ZNF343: variants seen among roughly 807,000 people sequenced by gnomAD.
The protein encoded by ZNF343 is zinc finger protein 343.
ZNF343 carries 11 observed loss-of-function variants against 13.8 expected under a neutral mutation model. That is an observed-to-expected ratio of 0.80 (90% confidence interval 0.50 to 1.32). ZNF343 has a LOEUF of 1.32. Among genes scored for constraint, ZNF343 ranks in the 40% most tolerant of loss-of-function variants. The pLI, the probability that ZNF343 is intolerant of heterozygous loss-of-function variation, is 0.00. For missense variants in ZNF343, 658 were observed against 714.2 expected, an observed-to-expected ratio of 0.92 and a Z score of 0.90; for synonymous variants, 248 against 260.0, an observed-to-expected ratio of 0.95 and a Z score of 0.44.
At chr20:2,506,272 G>A (rs1184261542) in intron 1 of ZNF343, among the ~76,000 whole-genome samples, 5 of 152,190 alleles carry the variant, frequency 3.3e-5, no homozygotes, top group African/African-American at 7.2e-5. Flanking sequence ...TTAGAATGGC[G>A]ATCATTAAAA....
upstream of ZNF343, among the ~76,000 whole-genome samples, chr20:2,512,591 T>C (rs1270091620): frequency 6.6e-6 from 1 of 152,154 alleles, no homozygotes; most frequent in Non-Finnish European, 1.5e-5. Context: ...TAAATCATGC[T>C]GGAACAACTG....
At chr20:2,497,391 C>T (rs577316512) in intron 2 of ZNF343, among the ~76,000 whole-genome samples, 2 of 152,132 alleles carry the variant, frequency 1.3e-5, no homozygotes, top group Admixed American at 1.3e-4. Flanking sequence ...AAAAAAGAAC[C>T]GTCAGGGAAG....
rs779513588 is a variant in ZNF343, at chr20:2,484,560, C to T, written c.401G>A (p.Gly134Asp). ...ATGGAAGTGATTTTCTGCACATAAG[C>T]CCAGGAAGATCTGAAGTACATGTTG... is the stretch of plus-strand genomic sequence containing the variant. Reference protein sequence around the residue: ...LSQHVLQIFLGLCAENHFHPG... With the variant: ...LSQHVLQIFLDLCAENHFHPG... The change falls in exon 6 of 6, where the codon GGC becomes GAC. Residue 134 changes from glycine (G) to aspartate (D), a missense_variant. Gly to Asp is a moderately conservative substitution (Grantham distance 94). Coordinates refer to ENST00000278772, the MANE Select transcript of ZNF343 (RefSeq NM_024325.6). 11 of 1,614,052 alleles carry T rather than the reference C, an allele frequency of 6.8e-6. No individual in the cohort carries two copies. In the African/African-American group the frequency reaches 1.1e-4, roughly 16 times the overall value.
At chr20:2,507,756 G>A (rs981102817) in intron 1 of ZNF343, among the ~76,000 whole-genome samples, 1 of 152,196 alleles carries the variant, frequency 6.6e-6, no homozygotes, top group East Asian at 1.9e-4. Flanking sequence ...TAACAAATGT[G>A]GAATCTGGTG....
At chr20:2,506,408 C>A (rs1242881634) in intron 1 of ZNF343, among the ~76,000 whole-genome samples, 1 of 151,902 alleles carries the variant, frequency 6.6e-6, no homozygotes, top group East Asian at 1.9e-4. Flanking sequence ...GGATCTAGAA[C>A]TAGAAATACC....
chr20:2,483,210 C>T lies in ZNF343; in HGVS notation c.1751G>A (p.Arg584Gln), dbSNP rs1490556935. ...EKHYVCRECG[R>Q]GFSHKSNLIR... is the part of the protein sequence containing the mutation. Reference sequence around the variant, plus strand: ...GAGATTTGACTTATGACTAAAGCCTCGCCCACACTCCCTACAAACATAATG... The same window carrying T: ...GAGATTTGACTTATGACTAAAGCCTTGCCCACACTCCCTACAAACATAATG... Residue 584 changes from arginine to glutamine, a missense_variant, in exon 6 of 6, where the codon CGA becomes CAA. Arg to Gln is a conservative substitution (Grantham distance 43). Coordinates refer to ENST00000278772, the MANE Select transcript of ZNF343 (RefSeq NM_024325.6). 8 of 1,612,414 alleles carry T rather than the reference C, an allele frequency of 5.0e-6. No individual in the cohort carries two copies. The highest frequency in any genetic ancestry group is 2.7e-5 in the African/African-American group (2 of 74,854).
At chr20:2,512,062 C>T (rs148321006), upstream of ZNF343, among the ~76,000 whole-genome samples, 169 of 152,238 alleles carry the variant, frequency 1.1e-3, 3 homozygotes, top group Admixed American at 9.5e-3. Context: ...AAAATAGTTC[C>T]ATTTGCAATA....
intron 5 of ZNF343, among the ~76,000 whole-genome samples, chr20:2,487,263 C>G (rs1204149880): frequency 6.6e-6 from 1 of 152,200 alleles, no homozygotes; most frequent in Non-Finnish European, 1.5e-5. Flanking sequence ...TAAACACTAA[C>G]ATGCTCCAAA....
At chr20:2,523,246 C>T (rs2085789889) in intron 1 of ZNF343, among the ~76,000 whole-genome samples, 1 of 152,226 alleles carries the variant, frequency 6.6e-6, no homozygotes, top group Admixed American at 6.5e-5. Flanking sequence ...AGGGGAGGAA[C>T]CCTCGGTTCC....
rs762280662 is a variant in ZNF343, at chr20:2,483,790, A to C, written c.1171T>G (p.Cys391Gly). Reference sequence around the variant, plus strand: ...TGTTTTCTGAGGGTTGACTTATCACAAAAGCTTCGTCCACACTCCAGGCAC... The same window carrying C: ...TGTTTTCTGAGGGTTGACTTATCACCAAAGCTTCGTCCACACTCCAGGCAC... ...YVCLECGRSF[C>G]DKSTLRKHQR... The change falls in exon 6 of 6, where the codon TGT (cysteine) becomes GGT (glycine). Residue 391 changes from cysteine (C) to glycine (G), a missense_variant. Coordinates refer to ENST00000278772, the MANE Select transcript of ZNF343 (RefSeq NM_024325.6). 1.2e-6 allele frequency: 2 copies of C among 1,604,782 alleles called. No individual in the cohort carries two copies. Among genetic ancestry groups the C allele is most frequent in the Non-Finnish European group, 1.7e-6 (2 of 1,177,308 alleles).
At chr20:2,505,686 T>C (rs1222834471) in intron 1 of ZNF343, among the ~76,000 whole-genome samples, 1 of 152,084 alleles carries the variant, frequency 6.6e-6, no homozygotes, top group African/African-American at 2.4e-5. Flanking sequence ...AAACAAGAAA[T>C]GGGGAAAGGA....
rs993562254 is a variant in ZNF343 at position 2,518,659 on chromosome 20, A to G, written c.-347+5796T>C. 3.3e-5 allele frequency among the ~76,000 whole-genome samples: 5 copies of G among 151,798 alleles called. No individual in the cohort carries two copies. The South Asian group carries it at 1.0e-3, about 32-fold the overall frequency. On this transcript the variant is annotated intron_variant, in intron 1 of 6. Coordinates refer to the ZNF343 transcript ENST00000358413. The surrounding 1 kb of genome is among the most constrained non-coding windows in gnomAD (Gnocchi z 4.6). ...ACCACATGCTCTCAGCCCCGTGTCC[A>G]CTTCCCTACACCACTTGCTTCACAT...
In ZNF343 at chr20:2,483,369, C is replaced by A. The variant is rs376918050; in HGVS notation, c.1592G>T (p.Cys531Phe). The A allele has an allele frequency of 6.2e-6, 10 of 1,612,830 alleles. No homozygotes were observed. Among genetic ancestry groups the A allele is most frequent in the Non-Finnish European group, 8.5e-6 (10 of 1,179,818 alleles). The change falls in exon 6 of 6, where the codon TGT (cysteine) becomes TTT (phenylalanine). Residue 531 changes from cysteine (C) to phenylalanine (F), a missense_variant. Coordinates refer to ENST00000278772, the MANE Select transcript of ZNF343 (RefSeq NM_024325.6). ...YICRECGRGF[C>F]DKSTLIVHER... ...ATGTACAATGAGGGTTGACTTGTCA[C>A]AAAAGCCTCGCCCACATTCCCTGCA...
chr20:2,491,457 T>C (rs575924291), intron 5 of ZNF343, among the ~76,000 whole-genome samples: 17 of 152,334 alleles, frequency 1.1e-4, no homozygotes, highest in African/African-American at 3.1e-4. Context: ...ATATTTCTAC[T>C]AGACAGCACT....
chr20:2,489,500 G>A lies in ZNF343; in HGVS notation c.304+3199C>T, dbSNP rs184451271. On this transcript the variant is annotated intron_variant, in intron 5 of 5. Transcript: ENST00000278772. ...TTGCTTTGGCCAATGAAGGTTAGTG[G>A]GAAGTTAATGCACTTTCAAACAAGT... is the stretch of plus-strand genomic sequence containing the variant. Among the ~76,000 whole-genome samples the A allele has an allele frequency of 1.6e-4, 24 of 152,270 alleles. No individual in the cohort carries two copies. In the East Asian group the frequency reaches 4.4e-3, roughly 28 times the overall value.
At chr20:2,517,470 C>G (rs1488352734) in intron 1 of ZNF343, among the ~76,000 whole-genome samples, 1 of 151,672 alleles carries the variant, frequency 6.6e-6, no homozygotes, top group African/African-American at 2.4e-5. Context: ...AAAGGGGCAG[C>G]CTGCTGAAGA....
intron 1 of ZNF343, among the ~76,000 whole-genome samples, chr20:2,520,938 A>C (rs2122764331): frequency 6.6e-6 from 1 of 152,302 alleles, no homozygotes; most frequent in Admixed American, 6.5e-5. Flanking sequence ...GAGGGGACTT[A>C]GCTTCTTGGG....
chr20:2,489,891 C>T (rs1406650841), intron 5 of ZNF343, among the ~76,000 whole-genome samples: 1 of 151,992 alleles, frequency 6.6e-6, no homozygotes, highest in African/African-American at 2.4e-5. Context: ...ATGGCTCACA[C>T]CTGCAATCCC....
intron 1 of ZNF343, among the ~76,000 whole-genome samples, chr20:2,504,767 A>T (rs1289776280): frequency 1.3e-5 from 2 of 152,104 alleles, no homozygotes; most frequent in East Asian, 3.8e-4. Flanking sequence ...CATGCTAAAA[A>T]CTCTCAATAA....
Sources: allele counts gnomAD v4.1 joint callset (sites outside exome capture counted in the v4.1 genomes callset), GRCh38; gene constraint gnomAD v4.1.1; non-coding constraint Gnocchi (gnomAD v3.1); transcripts MANE v1.5; gene names NCBI Gene and HGNC (gene_info 2026-07-23, HGNC 2026-07-21).